STXBP5L: variants seen among roughly 807,000 people sequenced by gnomAD.
STXBP5L encodes syntaxin binding protein 5L, also known as syntaxin-binding protein 5-like.
In STXBP5L, 65 loss-of-function variants were observed where a neutral mutation model predicts 144.5. That is an observed-to-expected ratio of 0.45 (90% CI 0.37 to 0.55). STXBP5L has a LOEUF of 0.55. Ranked by LOEUF, STXBP5L falls within the 20% of genes least tolerant of loss-of-function variation. The probability of loss-of-function intolerance (pLI) is 0.00; values close to 1 mark genes in which losing one functional copy is unlikely to be tolerated. For missense variants in STXBP5L, 1,298 were observed against 1,405.5 expected (o/e 0.92, Z 1.22); for synonymous variants, 505 against 469.6 (o/e 1.08, Z -0.97).
chr3:121,356,536 G>A (rs1440009421), intron 20 of STXBP5L, among the ~76,000 whole-genome samples: 2 of 152,244 alleles, frequency 1.3e-5, no homozygotes, highest in African/African-American at 4.8e-5. Flanking sequence ...CCATTGCTAA[G>A]ACTTTGGGAA....
chr3:121,275,288 TCTG>T (rs1381369140), intron 18 of STXBP5L, among the ~76,000 whole-genome samples: 5 of 152,172 alleles, frequency 3.3e-5, no homozygotes, highest in Non-Finnish European at 5.9e-5. Flanking sequence ...AAAAAAGAAG[TCTG>T]CTGGGATTTT....
At chr3:121,134,400 TA>T in intron 7 of STXBP5L, among the ~76,000 whole-genome samples, 1 of 152,292 alleles carries the variant, frequency 6.6e-6, no homozygotes, top group East Asian at 1.9e-4. Flanking sequence ...CATTGGAGAT[TA>T]AATTTCTTTT....
At chr3:121,333,772 A>G (rs1444408345) in intron 20 of STXBP5L, among the ~76,000 whole-genome samples, 1 of 152,200 alleles carries the variant, frequency 6.6e-6, no homozygotes, top group East Asian at 1.9e-4. Flanking sequence ...TACAAAACCT[A>G]GAAGAGATGG....
intron 5 of STXBP5L, among the ~76,000 whole-genome samples, chr3:121,069,703 T>A (rs1477435864): frequency 7.1e-6 from 1 of 141,652 alleles, no homozygotes; most frequent in East Asian, 1.9e-4. Flanking sequence ...TTTTCTCTGA[T>A]TTTTTTTCTA....
chr3:121,263,046 G>A (rs1409124273), intron 18 of STXBP5L, among the ~76,000 whole-genome samples: 4 of 152,300 alleles, frequency 2.6e-5, no homozygotes, highest in African/African-American at 4.8e-5. Flanking sequence ...GGCATGGGTC[G>A]ACAGACACCT....
chr3:120,976,634 G>T (rs1490021647), intron 3 of STXBP5L, among the ~76,000 whole-genome samples: 1 of 152,002 alleles, frequency 6.6e-6, no homozygotes, highest in African/African-American at 2.4e-5. Flanking sequence ...TAATTGTGAT[G>T]TTAGGGTGTC....
At position 120,990,018 on chromosome 3, in the gene STXBP5L, G is replaced by T. The variant is rs192084517; in HGVS notation, c.287+34981G>T. 3.4e-3 allele frequency among the ~76,000 whole-genome samples: 525 copies of T among 152,188 alleles called. 6 individuals are homozygous for T. The highest frequency in any genetic ancestry group is 3.4e-3 in the Middle Eastern group (1 of 294). ...AATTAGGAAACGAGGAAGTCAAATT[G>T]TCCCTGTTTGCAGACGACATGATTG... On this transcript the variant is annotated intron_variant, in intron 3 of 26. Coordinates refer to ENST00000471454, the MANE Select transcript of STXBP5L (RefSeq NM_001308330.2).
intron 3 of STXBP5L, among the ~76,000 whole-genome samples, chr3:121,005,783 T>C (rs1239958704): frequency 2.6e-5 from 4 of 152,216 alleles, no homozygotes; most frequent in African/African-American, 4.8e-5. Flanking sequence ...AAGAACATCT[T>C]TATTTCTGCC....
chr3:120,930,825 A>G (rs189912002), intron 2 of STXBP5L, among the ~76,000 whole-genome samples: 18 of 152,208 alleles, frequency 1.2e-4, no homozygotes, highest in African/African-American at 3.9e-4. Context: ...ATGTTTTTCT[A>G]TTTAACTGCT....
intron 5 of STXBP5L, among the ~76,000 whole-genome samples, chr3:121,077,074 A>G (rs1260252828): frequency 1.3e-5 from 2 of 152,158 alleles, no homozygotes; most frequent in East Asian, 3.9e-4. Context: ...GTCTCTCCTG[A>G]GACCATCTCT....
intron 21 of STXBP5L, among the ~76,000 whole-genome samples, chr3:121,379,645 TA>T (rs1210843859): frequency 1.1e-4 from 16 of 152,308 alleles, no homozygotes; most frequent in Middle Eastern, 3.4e-3. Context: ...TTTGGTTTTT[TA>T]AATATTATGC....
chr3:121,224,904 G>C (rs2049074576), intron 11 of STXBP5L, among the ~76,000 whole-genome samples: 1 of 152,142 alleles, frequency 6.6e-6, no homozygotes, highest in African/African-American at 2.4e-5. Context: ...GTGAGCAATA[G>C]AAATTGAGAA....
intron 3 of STXBP5L, among the ~76,000 whole-genome samples, chr3:120,996,444 C>G (rs1433502950): frequency 6.6e-6 from 1 of 152,078 alleles, no homozygotes; most frequent in Non-Finnish European, 1.5e-5. Context: ...CATATACTCA[C>G]ATAGTTACCA....
chr3:120,969,014 A>G (rs1939928051), intron 3 of STXBP5L, among the ~76,000 whole-genome samples: 1 of 152,048 alleles, frequency 6.6e-6, no homozygotes, highest in Non-Finnish European at 1.5e-5. Flanking sequence ...GTGTGCATGC[A>G]TCTTTTTCAT....
intron 9 of STXBP5L, among the ~76,000 whole-genome samples, chr3:121,168,668 C>T (rs1215155956): frequency 6.6e-6 from 1 of 152,074 alleles, no homozygotes; most frequent in African/African-American, 2.4e-5. Context: ...ATGAACAAAG[C>T]CTCCAAGAAA....
chr3:121,123,902 G>A (rs2044589901), intron 7 of STXBP5L, among the ~76,000 whole-genome samples: 3 of 151,590 alleles, frequency 2.0e-5, no homozygotes, highest in African/African-American at 7.2e-5. Context: ...GTCTTTTCAT[G>A]TGATTCTTGC....
At chr3:120,935,068 T>A (rs1266275683) in intron 2 of STXBP5L, among the ~76,000 whole-genome samples, 1 of 151,898 alleles carries the variant, frequency 6.6e-6, no homozygotes, top group East Asian at 1.9e-4. Context: ...TTGTTCTTTC[T>A]GGTTTTTTTT....
intron 18 of STXBP5L, among the ~76,000 whole-genome samples, chr3:121,275,056 A>G (rs1010310396): frequency 1.3e-5 from 2 of 152,196 alleles, no homozygotes; most frequent in Non-Finnish European, 2.9e-5. Context: ...TTATTTGACC[A>G]TGTATGTGTG....
At chr3:121,228,475 AG>A (rs2049192757) in intron 11 of STXBP5L, among the ~76,000 whole-genome samples, 4 of 152,260 alleles carry the variant, frequency 2.6e-5, no homozygotes, top group Non-Finnish European at 4.4e-5. Context: ...GGTAGTTCTC[AG>A]GAAGAAATGT....
Sources: gnomAD v4.1 joint callset for allele counts (sites outside exome capture counted in the v4.1 genomes callset) on GRCh38, gnomAD v4.1.1 for gene constraint, MANE v1.5 for transcripts, NCBI Gene and HGNC (gene_info 2026-07-23, HGNC 2026-07-21) for gene names.